Variants in TTC6 observed in about 807,000 individuals in gnomAD.
TTC6 encodes tetratricopeptide repeat domain 6.
A neutral mutation model predicts 210.4 loss-of-function variants in TTC6; 172 were observed. That is an observed-to-expected ratio of 0.82 (90% CI 0.72 to 0.93). The LOEUF is 0.93. TTC6 is among the 40% of genes least tolerant of loss of function. The pLI, the probability that TTC6 is intolerant of heterozygous loss-of-function variation, is 0.00. For synonymous variants in TTC6, 804 were observed against 819.6 expected (o/e 0.98, Z 0.32); for missense variants, 2,414 against 2,318.1 (o/e 1.04, Z -0.85).
At chr14:37,665,349 G>A (rs1041746850) in intron 1 of TTC6, among the ~76,000 whole-genome samples, 2 of 150,436 alleles carry the variant, frequency 1.3e-5, no homozygotes, top group Non-Finnish European at 3.0e-5. Flanking sequence ...CCTTTGCAGG[G>A]ACATGGATGG....
At chr14:37,601,766 G>A (rs2095616031) in intron 1 of TTC6, among the ~76,000 whole-genome samples, 1 of 152,168 alleles carries the variant, frequency 6.6e-6, no homozygotes, top group African/African-American at 2.4e-5. Context: ...TGGGCACCTG[G>A]ACGTGGGCAG....
intron 1 of TTC6, among the ~76,000 whole-genome samples, chr14:37,632,668 C>T (rs1380387571): frequency 6.6e-6 from 1 of 152,216 alleles, no homozygotes. Flanking sequence ...CTGCTGCTCT[C>T]TTCAGAGCCA....
chr14:37,821,974 T>A (rs2096158609), intron 26 of TTC6, among the ~76,000 whole-genome samples: 1 of 151,804 alleles, frequency 6.6e-6, no homozygotes, highest in African/African-American at 2.4e-5. Context: ...AGAGACGGGG[T>A]GTCACCATGT....
At chr14:37,762,187 A>G (rs2095986677) in intron 14 of TTC6, among the ~76,000 whole-genome samples, 1 of 152,104 alleles carries the variant, frequency 6.6e-6, no homozygotes, top group Non-Finnish European at 1.5e-5. Flanking sequence ...ATAGTATTTA[A>G]TTGTGTATAT....
In TTC6 at chr14:37,749,830, TA is replaced by T. The variant is rs759824551; in HGVS notation, c.2948del (p.Asn983IlefsTer19). ...ACTTGAATTATATACATAAATATAATAAAAATAATACAGGTGGGTTGTCTGT... is the reference window on the plus strand; with the variant it reads ...ACTTGAATTATATACATAAATATAATAAAATAATACAGGTGGGTTGTCTGT... On this transcript the variant is annotated frameshift_variant, in exon 12 of 31. Transcript: ENST00000553443. LOFTEE classifies it high-confidence loss of function. 181 of 1,401,756 alleles carry T rather than the reference TA, an allele frequency of 1.3e-4. No homozygotes were observed. Among genetic ancestry groups the T allele is most frequent in the Non-Finnish European group, 1.5e-4 (159 of 1,080,416 alleles). The allele number at this position is 1,401,756 out of a possible 1,614,324, so 86.8% of individuals were successfully genotyped here.
intron 1 of TTC6, among the ~76,000 whole-genome samples, chr14:37,653,615 G>A (rs1257898389): frequency 6.6e-6 from 1 of 152,118 alleles, no homozygotes; most frequent in Non-Finnish European, 1.5e-5. Flanking sequence ...TGTGGAGGTG[G>A]ATCTAGGGAG....
chr14:37,645,824 A>G (rs1045017398), intron 1 of TTC6, among the ~76,000 whole-genome samples: 2 of 152,220 alleles, frequency 1.3e-5, no homozygotes, highest in African/African-American at 2.4e-5. Flanking sequence ...TCTCAGTACT[A>G]TCAGACCCAG....
At chr14:37,640,440 A>G (rs1595049422) in intron 1 of TTC6, among the ~76,000 whole-genome samples, 2 of 152,332 alleles carry the variant, frequency 1.3e-5, no homozygotes, top group East Asian at 1.9e-4. Context: ...AGGTACAATT[A>G]CTTGGATATT....
chr14:37,709,841 G>C (rs1451149132), intron 5 of TTC6, among the ~76,000 whole-genome samples: 1 of 151,864 alleles, frequency 6.6e-6, no homozygotes, highest in South Asian at 2.1e-4. Flanking sequence ...AATTATAAAG[G>C]ACTAAAGAAA....
chr14:37,599,800 A>G (rs983332422), intron 1 of TTC6, among the ~76,000 whole-genome samples: 1 of 152,166 alleles, frequency 6.6e-6, no homozygotes, highest in Non-Finnish European at 1.5e-5. Context: ...GCCTCGCGGA[A>G]ACGGGAACAA....
intron 2 of TTC6, among the ~76,000 whole-genome samples, chr14:37,608,096 G>C (rs7144783): frequency 0.046 from 6,975 of 152,190 alleles, 535 homozygotes; most frequent in African/African-American, 0.16. Context: ...TTAGCCAATT[G>C]AAAATTTGGA....
intron 4 of TTC6, among the ~76,000 whole-genome samples, chr14:37,700,303 A>G (rs2095822441): frequency 6.6e-6 from 1 of 152,174 alleles, no homozygotes. Flanking sequence ...TGACCTACCC[A>G]AAATAAGGAT....
At chr14:37,813,728 G>T (rs909196111) in intron 25 of TTC6, among the ~76,000 whole-genome samples, 4 of 152,120 alleles carry the variant, frequency 2.6e-5, no homozygotes, top group Non-Finnish European at 5.9e-5. Flanking sequence ...TTAATATATG[G>T]AGATAAATGA....
chr14:37,751,114 A>G (rs1363068116), exon 13 of TTC6: 1 of 1,532,080 alleles, frequency 6.5e-7, no homozygotes, highest in Non-Finnish European at 8.7e-7. Context: ...TGGCAATTCT[A>G]AACTATACCC....
intron 6 of TTC6, among the ~76,000 whole-genome samples, chr14:37,722,424 T>G (rs1423153008): frequency 6.6e-6 from 1 of 152,212 alleles, no homozygotes; most frequent in African/African-American, 2.4e-5. Flanking sequence ...GTACTTTCCC[T>G]TGAGAGCAGA....
chr14:37,748,919 A>C lies in TTC6; in HGVS notation c.2364-20A>C. The C allele has an allele frequency of 7.0e-7, 1 of 1,426,252 alleles. No homozygotes were observed. Among genetic ancestry groups the C allele is most frequent in the South Asian group, 1.6e-5 (1 of 64,150 alleles). The allele number at this position is 1,426,252 out of a possible 1,614,324, so 88.3% of individuals were successfully genotyped here. ...GATTGTATTTCTGTAATTTAAAAAA[A>C]TCACTCTTTTAAAAACTAGATCAGC... On this transcript the variant is annotated intron_variant, in intron 10 of 30. Transcript: ENST00000553443.
At chr14:37,686,280 C>T (rs935593134) in intron 3 of TTC6, among the ~76,000 whole-genome samples, 2 of 152,144 alleles carry the variant, frequency 1.3e-5, no homozygotes, top group Non-Finnish European at 2.9e-5. Context: ...CAATATAAAG[C>T]ACTTAGAACA....
In TTC6 at chr14:37,747,691, A is replaced by G. The variant is rs76616711; in HGVS notation, c.2364-1248A>G. 1.1e-4 allele frequency among the ~76,000 whole-genome samples: 16 copies of G among 152,318 alleles called. No individual in the cohort carries two copies. In the East Asian group the frequency reaches 2.9e-3, roughly 28 times the overall value. ...AGAGACCAGGCGATCCTAAGGCTAT[A>G]GTCTGTGCAGATCAGTTTCCTGAGA... On this transcript the variant is annotated intron_variant, in intron 10 of 30. Coordinates refer to ENST00000553443, the Ensembl canonical transcript of TTC6.
chr14:37,807,215 C>A (rs562098165), intron 22 of TTC6, 105 bp from the exon 25 acceptor site: 36 of 1,043,418 alleles, frequency 3.5e-5, no homozygotes, highest in Non-Finnish European at 4.2e-5. Flanking sequence ...TATTTTAATA[C>A]CCTTTTTGGG....
Sources: allele counts gnomAD v4.1 joint callset (sites outside exome capture counted in the v4.1 genomes callset), GRCh38; gene constraint gnomAD v4.1.1; transcripts MANE v1.5; gene names NCBI Gene and HGNC (gene_info 2026-07-23, HGNC 2026-07-21).